The following UNC13B variants were observed in gnomAD, a reference collection of about 807,000 sequenced individuals.
UNC13B encodes the protein protein unc-13 homolog B.
In UNC13B, 144 loss-of-function variants were observed where a neutral mutation model predicts 211.0. The observed-to-expected ratio is 0.68, with a 90% CI of 0.60 to 0.78. The LOEUF (loss-of-function observed/expected upper bound fraction) is 0.78. UNC13B is among the 30% of genes least tolerant of loss of function. The probability of loss-of-function intolerance (pLI) is 0.00; values close to 1 mark genes in which losing one functional copy is unlikely to be tolerated. For synonymous variants in UNC13B, 709 were observed against 725.8 expected (o/e 0.98, Z 0.37); for missense variants, 1,777 against 2,002.0 (o/e 0.89, Z 2.14).
At chr9:35,212,548 G>A (rs1250676518) in intron 1 of UNC13B, among the ~76,000 whole-genome samples, 4 of 152,166 alleles carry the variant, frequency 2.6e-5, no homozygotes, top group African/African-American at 9.7e-5. Context: ...ACTCCATCCT[G>A]GGTGACAGAG....
chr9:35,321,909 A>G (rs1013885930), intron 11 of UNC13B, among the ~76,000 whole-genome samples: 1 of 152,228 alleles, frequency 6.6e-6, no homozygotes, highest in Admixed American at 6.5e-5. Flanking sequence ...ACCAACATTA[A>G]GTATTCTTAT....
At chr9:35,368,957 T>A (rs987081011) in intron 12 of UNC13B, among the ~76,000 whole-genome samples, 3 of 152,220 alleles carry the variant, frequency 2.0e-5, no homozygotes, top group Non-Finnish European at 4.4e-5. Flanking sequence ...ATGGGACATA[T>A]CCAGACTACT....
intron 7 of UNC13B, among the ~76,000 whole-genome samples, chr9:35,284,070 G>GCCAA (rs1828653481): frequency 6.6e-6 from 1 of 152,130 alleles, no homozygotes; most frequent in South Asian, 2.1e-4. Flanking sequence ...GACAAGCCTG[G>GCCAA]CCAACATGGT....
chr9:35,329,930 C>G (rs1305716292), intron 11 of UNC13B, among the ~76,000 whole-genome samples: 2 of 152,144 alleles, frequency 1.3e-5, no homozygotes, highest in African/African-American at 2.4e-5. Context: ...CTGAGGTCCA[C>G]TTGGAGAGAA....
chr9:35,217,795 G>A (rs1824341044), intron 1 of UNC13B, among the ~76,000 whole-genome samples: 1 of 152,144 alleles, frequency 6.6e-6, no homozygotes, highest in South Asian at 2.1e-4. Flanking sequence ...TATAATCCCA[G>A]CACTTTCAGA....
chr9:35,180,920 C>A (rs1041225051), intron 1 of UNC13B, among the ~76,000 whole-genome samples: 2 of 117,068 alleles, frequency 1.7e-5, no homozygotes, highest in Middle Eastern at 4.2e-3. Flanking sequence ...ACAGTGAGAC[C>A]CTGTCTTTAA....
chr9:35,266,699 A>G (rs1418247804), intron 7 of UNC13B, among the ~76,000 whole-genome samples: 2 of 152,264 alleles, frequency 1.3e-5, no homozygotes, highest in African/African-American at 4.8e-5. Flanking sequence ...TTTAGCATTC[A>G]GTAACAACAT....
intron 1 of UNC13B, among the ~76,000 whole-genome samples, chr9:35,215,890 T>A (rs553848539): frequency 1.3e-5 from 2 of 152,362 alleles, no homozygotes; most frequent in East Asian, 3.9e-4. Context: ...ACTTACTTTA[T>A]GATGATAGTA....
At chr9:35,214,782 A>G (rs1824166912) in intron 1 of UNC13B, among the ~76,000 whole-genome samples, 1 of 152,272 alleles carries the variant, frequency 6.6e-6, no homozygotes, top group Non-Finnish European at 1.5e-5. Flanking sequence ...TTAAGACCGT[A>G]ATAGTAACAA....
In UNC13B at chr9:35,179,444, C is replaced by T. The variant is rs183216073; in HGVS notation, c.22+17139C>T. ...GGGATTCTAGAGAACTCTTGAATCT[C>T]GCTAGGTAGTGACTAAAACTGTATC... On this transcript the variant is annotated intron_variant, in intron 1 of 39. Transcript: ENST00000635942. Among the ~76,000 whole-genome samples, 1,211 of 152,066 alleles carry T rather than the reference C, an allele frequency of 8.0e-3. 12 individuals are homozygous for T. The highest frequency in any genetic ancestry group is 0.011 in the Non-Finnish European group (736 of 67,996).
intron 2 of UNC13B, among the ~76,000 whole-genome samples, chr9:35,228,521 G>A (rs1304339275): frequency 6.6e-6 from 1 of 151,618 alleles, no homozygotes; most frequent in Non-Finnish European, 1.5e-5. Flanking sequence ...AGTGTGTAGT[G>A]GATAAATATT....
chr9:35,273,697 A>G (rs996008955), intron 7 of UNC13B, among the ~76,000 whole-genome samples: 1 of 152,170 alleles, frequency 6.6e-6, no homozygotes, highest in Middle Eastern at 3.2e-3. Flanking sequence ...TATAATCCCC[A>G]ACTAAAATCA....
chr9:35,194,773 T>A (rs1822846565), intron 1 of UNC13B, among the ~76,000 whole-genome samples: 1 of 152,166 alleles, frequency 6.6e-6, no homozygotes, highest in African/African-American at 2.4e-5. Context: ...CATGATTGGC[T>A]ATGTTGTCTG....
chr9:35,271,587 A>G (rs1405271126), intron 7 of UNC13B, among the ~76,000 whole-genome samples: 1 of 152,222 alleles, frequency 6.6e-6, no homozygotes, highest in East Asian at 1.9e-4. Context: ...AAACATACCT[A>G]AAGTTTCTAA....
chr9:35,328,068 T>G (rs1298590200), intron 11 of UNC13B, among the ~76,000 whole-genome samples: 1 of 152,228 alleles, frequency 6.6e-6, no homozygotes, highest in Admixed American at 6.5e-5. Flanking sequence ...TTGCCCAGGC[T>G]GTAGTGCAGT....
At chr9:35,181,760 C>T in intron 1 of UNC13B, among the ~76,000 whole-genome samples, 1 of 152,084 alleles carries the variant, frequency 6.6e-6, no homozygotes, top group Non-Finnish European at 1.5e-5. Flanking sequence ...TTGCTTGAAC[C>T]CAGGAGGTGG....
At position 35,300,369 on chromosome 9, in the gene UNC13B, A is replaced by G. The variant is rs1395648913; in HGVS notation, c.965A>G (p.Tyr322Cys). 2 of 398,892 alleles carry G rather than the reference A, an allele frequency of 5.0e-6. No individual in the cohort carries two copies. The highest frequency in any genetic ancestry group is 2.1e-5 in the African/African-American group (1 of 48,646). 24.7% of individuals were successfully genotyped at this position (398,892 alleles called of 1,614,324 possible). The change falls in exon 9 of 40, where the codon TAC (tyrosine) becomes TGC (cysteine). Residue 322 changes from tyrosine (Y) to cysteine (C), a missense_variant. Transcript: ENST00000635942. Reference sequence around the variant, plus strand: ...ATGGGGTACCCAGTTTTGTACCCCTACAAAAATGGATTTGTGGTTAAGAGT... The same window carrying G: ...ATGGGGTACCCAGTTTTGTACCCCTGCAAAAATGGATTTGTGGTTAAGAGT... ...QNMGYPVLYP[Y>C]KNGFVVKSGM... is the part of the protein sequence containing the mutation.
chr9:35,293,490 G>A (rs1211711538), intron 7 of UNC13B, among the ~76,000 whole-genome samples: 3 of 152,174 alleles, frequency 2.0e-5, no homozygotes, highest in African/African-American at 7.2e-5. Flanking sequence ...TCCTGCCAGA[G>A]TTTAGTAGAC....
At chr9:35,255,656 G>A (rs879370935) in intron 6 of UNC13B, among the ~76,000 whole-genome samples, 3 of 152,140 alleles carry the variant, frequency 2.0e-5, no homozygotes, top group Non-Finnish European at 4.4e-5. Context: ...TGGCAGAACT[G>A]GTTGGGCCAG....
Sources: allele counts gnomAD v4.1 joint callset (sites outside exome capture counted in the v4.1 genomes callset), GRCh38; gene constraint gnomAD v4.1.1; transcripts MANE v1.5; gene names NCBI Gene and HGNC (gene_info 2026-07-23, HGNC 2026-07-21).